LIMA1: variants seen among roughly 807,000 people sequenced by gnomAD.
LIMA1 encodes the protein LIM domain and actin-binding protein 1.
LIMA1 carries 52 observed loss-of-function variants against 62.6 expected under a neutral mutation model. That is an observed-to-expected ratio of 0.83 (90% CI 0.67 to 1.05). LIMA1 has a LOEUF of 1.05. Ranked by LOEUF, LIMA1 falls within the 50% of genes least tolerant of loss-of-function variation. LIMA1 has a pLI of 0.00. For missense variants in LIMA1, 780 were observed against 902.2 expected (o/e 0.86, Z 1.74); for synonymous variants, 302 against 317.8 (o/e 0.95, Z 0.53).
At chr12:50,251,224 T>C (rs990434148) in intron 1 of LIMA1, among the ~76,000 whole-genome samples, 9 of 152,214 alleles carry the variant, frequency 5.9e-5, no homozygotes, top group African/African-American at 1.9e-4. Flanking sequence ...TGCTTTAAGA[T>C]ATTATTTGGT....
At chr12:50,180,822 G>A (rs1565826251) in intron 10 of LIMA1, among the ~76,000 whole-genome samples, 1 of 151,928 alleles carries the variant, frequency 6.6e-6, no homozygotes, top group Non-Finnish European at 1.5e-5. Flanking sequence ...AAAGAAATAA[G>A]GTGCTTTAAG....
chr12:50,239,866 C>A (rs1185469792), intron 2 of LIMA1, among the ~76,000 whole-genome samples: 1 of 149,934 alleles, frequency 6.7e-6, no homozygotes, highest in Non-Finnish European at 1.5e-5. Flanking sequence ...TGGTGGCATG[C>A]GCCTGTAGTC....
chr12:50,230,564 T>C (rs1941595263), intron 3 of LIMA1, among the ~76,000 whole-genome samples: 1 of 152,120 alleles, frequency 6.6e-6, no homozygotes, highest in East Asian at 1.9e-4. Context: ...AGTTTTTTCT[T>C]TTTTTCTTTT....
chr12:50,185,057 C>T (rs1440283234), intron 9 of LIMA1, among the ~76,000 whole-genome samples: 2 of 152,148 alleles, frequency 1.3e-5, no homozygotes, highest in Non-Finnish European at 2.9e-5. Flanking sequence ...GTTTCTAACT[C>T]CTAACCTTGT....
intron 3 of LIMA1, among the ~76,000 whole-genome samples, chr12:50,227,823 T>C (rs1455359460): frequency 1.2e-4 from 18 of 151,944 alleles, no homozygotes; most frequent in Admixed American, 1.2e-3. Context: ...CAGCCCACTC[T>C]GAGTATTTAT....
At chr12:50,270,078 T>C (rs1942188007) in intron 1 of LIMA1, among the ~76,000 whole-genome samples, 1 of 148,930 alleles carries the variant, frequency 6.7e-6, no homozygotes, top group African/African-American at 2.5e-5. Flanking sequence ...CTACTAAAAA[T>C]ACAAAATTAG....
At chr12:50,262,617 A>G (rs1031930338) in intron 1 of LIMA1, among the ~76,000 whole-genome samples, 1 of 141,302 alleles carries the variant, frequency 7.1e-6, no homozygotes, top group South Asian at 2.2e-4. Flanking sequence ...CTGCCAAAAA[A>G]TAAAGTAAAA....
chr12:50,253,640 C>A (rs918773513), intron 1 of LIMA1, among the ~76,000 whole-genome samples: 4 of 152,172 alleles, frequency 2.6e-5, no homozygotes, highest in Non-Finnish European at 5.9e-5. Context: ...CAGAGATAAT[C>A]ATTCCTGCTT....
At chr12:50,181,292 A>G (rs758167415) in intron 10 of LIMA1, among the ~76,000 whole-genome samples, 3 of 152,130 alleles carry the variant, frequency 2.0e-5, no homozygotes, top group Non-Finnish European at 2.9e-5. Context: ...TTTCAAGAGT[A>G]TTTTAGGAAG....
chr12:50,193,534 G>GAT (rs554707999), intron 8 of LIMA1, among the ~76,000 whole-genome samples: 3,343 of 95,356 alleles, frequency 0.035, 199 homozygotes, highest in East Asian at 0.26. Context: ...ACACATATAT[G>GAT]ATATATATAT....
At position 50,222,517 on chromosome 12, in the gene LIMA1, A is replaced by C. The variant is rs766582789; in HGVS notation, c.166-32T>G. 5.6e-6 allele frequency: 9 copies of C among 1,613,584 alleles called. No homozygotes were observed. In the South Asian group the frequency reaches 9.9e-5, roughly 18 times the overall value. On this transcript the variant is annotated intron_variant, in intron 3 of 10. Transcript: ENST00000341247. ...GAACAAGAAGTAGATGCCAGTTATA[A>C]CTTGCCTGCTGAAACATTCAAACAT... is the stretch of plus-strand genomic sequence containing the variant.
chr12:50,258,997 C>G (rs998458888), intron 1 of LIMA1, among the ~76,000 whole-genome samples: 1 of 152,158 alleles, frequency 6.6e-6, no homozygotes, highest in Non-Finnish European at 1.5e-5. Context: ...TGACTCCAGT[C>G]TAGCATCACA....
At chr12:50,181,112 CAAA>C (rs35433011) in intron 10 of LIMA1, among the ~76,000 whole-genome samples, 4 of 71,098 alleles carry the variant, frequency 5.6e-5, no homozygotes, top group Admixed American at 1.8e-4. Context: ...ACTCTGTATC[CAAA>C]AAAAAAAAAA....
At chr12:50,256,788 T>C (rs1365224481) in intron 1 of LIMA1, among the ~76,000 whole-genome samples, 3 of 152,210 alleles carry the variant, frequency 2.0e-5, no homozygotes, top group Non-Finnish European at 2.9e-5. Context: ...CTGGAACATC[T>C]TGCAATACTC....
At chr12:50,238,818 C>A (rs970416579) in intron 2 of LIMA1, among the ~76,000 whole-genome samples, 5 of 151,452 alleles carry the variant, frequency 3.3e-5, no homozygotes, top group Non-Finnish European at 7.4e-5. Flanking sequence ...CCACTGCACT[C>A]CAGCCTGGGC....
chr12:50,186,885 T>C (rs1410220056), intron 9 of LIMA1: 1 of 152,232 alleles, frequency 6.6e-6, no homozygotes, highest in Non-Finnish European at 1.5e-5. Flanking sequence ...GAGAGCATTT[T>C]CTAAATTGTC....
Position 50,224,571 on chromosome 12 carries a change from A to C in LIMA1, c.166-2086T>G, listed in dbSNP as rs927982491. The C allele has an allele frequency of 2.6e-5, 4 of 152,280 alleles. No individual in the cohort carries two copies. The East Asian group carries it at 7.7e-4, about 29-fold the overall frequency. The allele number at this position is 152,280 out of a possible 1,614,324, so 9.4% of individuals were successfully genotyped here. Reference sequence around the variant, plus strand: ...GACTTCACCTGCCCTTACTGTAACCACACAGGAGCCCTGACAATCAAAGTG... The same window carrying C: ...GACTTCACCTGCCCTTACTGTAACCCCACAGGAGCCCTGACAATCAAAGTG... On this transcript the variant is annotated intron_variant, in intron 3 of 10. Transcript: ENST00000341247.
chr12:50,203,621 C>G (rs1941098528), intron 6 of LIMA1, among the ~76,000 whole-genome samples: 1 of 152,122 alleles, frequency 6.6e-6, no homozygotes, highest in South Asian at 2.1e-4. Context: ...CCACGTTAGC[C>G]AAGCTGGTCT....
At chr12:50,215,906 C>T (rs1453007264) in intron 4 of LIMA1, among the ~76,000 whole-genome samples, 1 of 152,078 alleles carries the variant, frequency 6.6e-6, no homozygotes, top group Non-Finnish European at 1.5e-5. Context: ...AAAAATTAGC[C>T]GGACTTCGTG....
Sources: allele counts gnomAD v4.1 joint callset (sites outside exome capture counted in the v4.1 genomes callset), GRCh38; gene constraint gnomAD v4.1.1; transcripts MANE v1.5; gene names NCBI Gene and HGNC (gene_info 2026-07-23, HGNC 2026-07-21).